The following SH3GL3 variants were observed in gnomAD, a reference collection of about 807,000 sequenced individuals.
The protein encoded by SH3GL3 is SH3 domain containing GRB2 like 3, endophilin A3, also known as endophilin-A3.
A neutral mutation model predicts 47.7 loss-of-function variants in SH3GL3; 33 were observed. The observed-to-expected ratio is 0.69, with a 90% confidence interval of 0.52 to 0.92. SH3GL3 has a LOEUF of 0.92. Among genes scored for constraint, SH3GL3 ranks in the 40% least tolerant of loss-of-function variants. SH3GL3 has a pLI of 0.00. For missense variants in SH3GL3, 363 were observed against 417.8 expected (o/e 0.87, Z 1.14); for synonymous variants, 155 against 148.8 (o/e 1.04, Z -0.30).
intron 8 of SH3GL3, among the ~76,000 whole-genome samples, chr15:83,594,037 A>G (rs180674471): frequency 3.3e-5 from 5 of 152,300 alleles, no homozygotes; most frequent in Admixed American, 3.3e-4. Flanking sequence ...TAAGCTGGTC[A>G]TGAACTTCTG....
At chr15:83,568,716 A>G (rs368843202) in intron 4 of SH3GL3, 44 bp downstream of exon 4, 4 of 1,533,114 alleles carry the variant, frequency 2.6e-6, no homozygotes, top group Non-Finnish European at 3.6e-6. Flanking sequence ...GAACTCCTCC[A>G]GTATGGTTTT....
At chr15:83,627,354 G>A in the SH3GL3 span, among the ~76,000 whole-genome samples, 10 of 145,640 alleles carry the variant, frequency 6.9e-5, no homozygotes, top group East Asian at 8.1e-4. Flanking sequence ...CCGAGATTGC[G>A]CCACTGCACT....
At chr15:83,633,271 G>A in the SH3GL3 span, among the ~76,000 whole-genome samples, 9 of 152,150 alleles carry the variant, frequency 5.9e-5, no homozygotes, top group South Asian at 2.1e-4. Context: ...GATGCTAAGC[G>A]ATTGTAACCC....
At chr15:83,467,937 C>T (rs1224576806) in intron 1 of SH3GL3, among the ~76,000 whole-genome samples, 1 of 152,210 alleles carries the variant, frequency 6.6e-6, no homozygotes, top group Non-Finnish European at 1.5e-5. Context: ...ACGCCATTCT[C>T]CTGCCTCAGC....
chr15:83,606,850 G>T (rs2060528119), intron 8 of SH3GL3, among the ~76,000 whole-genome samples: 1 of 152,126 alleles, frequency 6.6e-6, no homozygotes, highest in Admixed American at 6.6e-5. Flanking sequence ...TGTCTTTTGT[G>T]AGTACTTAGC....
chr15:83,450,150 C>T (rs997625011), intron 1 of SH3GL3, among the ~76,000 whole-genome samples: 1 of 152,136 alleles, frequency 6.6e-6, no homozygotes, highest in African/African-American at 2.4e-5. Flanking sequence ...TATGATGACT[C>T]AGGGAATTTA....
intron 8 of SH3GL3, among the ~76,000 whole-genome samples, chr15:83,603,730 C>A (rs2060446331): frequency 6.6e-6 from 1 of 152,172 alleles, no homozygotes; most frequent in African/African-American, 2.4e-5. Flanking sequence ...AGCTAACATC[C>A]AACCTTCTGG....
intron 1 of SH3GL3, among the ~76,000 whole-genome samples, chr15:83,483,268 G>T (rs893757430): frequency 1.3e-5 from 2 of 152,158 alleles, no homozygotes; most frequent in Non-Finnish European, 2.9e-5. Context: ...CAAATGGAGG[G>T]CCTTGCTCTA....
intron 1 of SH3GL3, among the ~76,000 whole-genome samples, chr15:83,510,158 C>T (rs1398987190): frequency 6.6e-6 from 1 of 152,024 alleles, no homozygotes; most frequent in Non-Finnish European, 1.5e-5. Flanking sequence ...CAGACAACTT[C>T]ATCCAGAATG....
chr15:83,528,679 G>A (rs939144064), intron 1 of SH3GL3, among the ~76,000 whole-genome samples: 1 of 151,618 alleles, frequency 6.6e-6, no homozygotes, highest in Non-Finnish European at 1.5e-5. Flanking sequence ...TGTCTCTTTA[G>A]TGAATTTCTC....
At chr15:83,633,600 T>G in the SH3GL3 span, among the ~76,000 whole-genome samples, 1 of 152,152 alleles carries the variant, frequency 6.6e-6, no homozygotes, top group Non-Finnish European at 1.5e-5. Context: ...TATAACCTAG[T>G]TCTGACTGCA....
At chr15:83,577,753 C>T (rs1472841267) in intron 6 of SH3GL3, among the ~76,000 whole-genome samples, 3 of 152,154 alleles carry the variant, frequency 2.0e-5, no homozygotes, top group Non-Finnish European at 2.9e-5. Context: ...CAGAGGTTGT[C>T]TCTGAAGATT....
At chr15:83,613,118 C>T (rs1428194661) in intron 8 of SH3GL3, among the ~76,000 whole-genome samples, 1 of 152,204 alleles carries the variant, frequency 6.6e-6, no homozygotes, top group Admixed American at 6.5e-5. Flanking sequence ...TATCGTCCGG[C>T]TGCATGTATA....
At chr15:83,565,081 G>A (rs1053973978) in intron 2 of SH3GL3, 53 bp from the exon 3 acceptor site, 1 of 747,496 alleles carries the variant, frequency 1.3e-6, no homozygotes, top group Non-Finnish European at 2.3e-6. Context: ...TTGCTCTTTT[G>A]TGATTTTATT....
intron 1 of SH3GL3, among the ~76,000 whole-genome samples, chr15:83,555,023 A>G (rs948587422): frequency 6.6e-6 from 1 of 151,958 alleles, no homozygotes; most frequent in Non-Finnish European, 1.5e-5. Context: ...TCTCTCACTT[A>G]TCCTTCATAT....
At chr15:83,584,501 T>G (rs2059910326) in intron 6 of SH3GL3, among the ~76,000 whole-genome samples, 1 of 152,208 alleles carries the variant, frequency 6.6e-6, no homozygotes, top group African/African-American at 2.4e-5. Flanking sequence ...TGGTTCTGTG[T>G]GTCTCCCAAG....
chr15:83,504,469 T>C (rs553851460), intron 1 of SH3GL3, among the ~76,000 whole-genome samples: 1 of 152,312 alleles, frequency 6.6e-6, no homozygotes, highest in Admixed American at 6.5e-5. Flanking sequence ...GTATTCCAGA[T>C]TGGGTTATAA....
chr15:83,556,372 C>T (rs899891678), intron 1 of SH3GL3, among the ~76,000 whole-genome samples: 2 of 152,180 alleles, frequency 1.3e-5, no homozygotes, highest in African/African-American at 2.4e-5. Context: ...AAAGCAGAAA[C>T]GAATGATCAT....
At chr15:83,484,089 T>C (rs1353850737) in intron 1 of SH3GL3, among the ~76,000 whole-genome samples, 2 of 152,240 alleles carry the variant, frequency 1.3e-5, no homozygotes, top group African/African-American at 4.8e-5. Flanking sequence ...CCACTACTGA[T>C]TGTATCTTTC....
Sources: allele counts gnomAD v4.1 joint callset (sites outside exome capture counted in the v4.1 genomes callset), GRCh38; gene constraint gnomAD v4.1.1; transcripts MANE v1.5; gene names NCBI Gene and HGNC (gene_info 2026-07-23, HGNC 2026-07-21).